The following KIF26A variants were observed in gnomAD, a reference collection of about 807,000 sequenced individuals.
KIF26A encodes kinesin-like protein KIF26A.
Under a neutral mutation model 126.0 loss-of-function variants are expected in KIF26A, and 74 were observed. The ratio of observed to expected loss-of-function variants is 0.59; its 90% confidence interval spans 0.49 to 0.71. KIF26A has a LOEUF of 0.71. Ranked by LOEUF, KIF26A falls within the 30% of genes least tolerant of loss-of-function variation. The pLI, the probability that KIF26A is intolerant of heterozygous loss-of-function variation, is 0.00. For synonymous variants in KIF26A, 1,445 were observed against 1,232.7 expected, an observed-to-expected ratio of 1.17 and a Z score of -3.61; for missense variants, 2,984 against 2,763.3, an observed-to-expected ratio of 1.08 and a Z score of -1.79.
At chr14:104,178,962 T>A (rs933629752) in intron 13 of KIF26A, among the ~76,000 whole-genome samples, 2 of 151,908 alleles carry the variant, frequency 1.3e-5, no homozygotes, top group Non-Finnish European at 2.9e-5. Context: ...ACACTCCCCT[T>A]GGGCAGTGGG....
rs1268065310 is a variant in KIF26A, at chr14:104,177,730, A to G, written c.4942A>G (p.Thr1648Ala). The G allele has an allele frequency of 5.2e-6, 8 of 1,540,640 alleles. No individual in the cohort carries two copies. The Admixed American group carries it at 5.8e-5, about 11-fold the overall frequency. ...AGAGCTGCCGCCCGCCATGGGCCGCACCGCCCTTTTCCACCACAGCGGTGG... is the reference window on the plus strand; with the variant it reads ...AGAGCTGCCGCCCGCCATGGGCCGCGCCGCCCTTTTCCACCACAGCGGTGG... ...SGELPPAMGR[T>A]ALFHHSGGSS... The change falls in exon 12 of 15, where the codon ACC becomes GCC. Residue 1648 changes from threonine to alanine, a missense_variant. By Grantham distance (58) the Thr-to-Ala change is moderately conservative. Coordinates refer to ENST00000423312, the MANE Select transcript of KIF26A (RefSeq NM_015656.2).
chr14:104,177,987 A>G (rs2038054236), intron 12 of KIF26A, 89 bp downstream of exon 12: 3 of 1,334,868 alleles, frequency 2.2e-6, no homozygotes, highest in East Asian at 5.5e-5. Flanking sequence ...GGGCCAGGAG[A>G]TGCTGGACAG....
chr14:104,163,058 C>T (rs1422007008), intron 4 of KIF26A, among the ~76,000 whole-genome samples: 2 of 152,216 alleles, frequency 1.3e-5, no homozygotes, highest in Non-Finnish European at 1.5e-5. Flanking sequence ...CCCTTGCAGG[C>T]AGCTGGCGGG....
Position 104,148,878 on chromosome 14 carries a change from G to T in KIF26A, c.289-3137G>T, listed in dbSNP as rs2037703010. On this transcript the variant is annotated intron_variant, in intron 2 of 14. Coordinates refer to ENST00000423312, the MANE Select transcript of KIF26A (RefSeq NM_015656.2). The surrounding 1 kb of genome is among the most constrained non-coding windows in gnomAD (Gnocchi z 4.3). ...CTGGAGCCCTGAGTGCTGGTCCCGT[G>T]TGCTGAGTGGGGTGCCGAGTTCTCC... Among the ~76,000 whole-genome samples, 1 of 152,176 alleles carries T rather than the reference G, an allele frequency of 6.6e-6. No individual in the cohort carries two copies. Among genetic ancestry groups the T allele is most frequent in the East Asian group, 1.9e-4 (1 of 5,194 alleles).
chr14:104,178,028 C>A, intron 12 of KIF26A, 130 bp downstream of exon 12: 1 of 1,081,052 alleles, frequency 9.3e-7, no homozygotes, highest in Non-Finnish European at 1.2e-6. Flanking sequence ...CCCAGACCCA[C>A]ACAGCCGTGG....
chr14:104,149,661 C>T (rs2037709217), intron 2 of KIF26A, among the ~76,000 whole-genome samples: 2 of 152,218 alleles, frequency 1.3e-5, no homozygotes, highest in Admixed American at 1.3e-4. Flanking sequence ...CCTGTTGCCC[C>T]TCTGCCTGGC....
intron 5 of KIF26A, 142 bp from the exon 6 acceptor site, chr14:104,171,581 C>T (rs115621321): frequency 4.4e-6 from 3 of 676,020 alleles, no homozygotes; most frequent in South Asian, 1.8e-5. Context: ...GGAGCAGGGG[C>T]GCGGTGTCCA....
At position 104,173,117 on chromosome 14, in the gene KIF26A, G is replaced by A. The variant is rs61743542; in HGVS notation, c.1561G>A (p.Val521Met). 30 of 1,607,746 alleles carry A rather than the reference G, an allele frequency of 1.9e-5. No individual in the cohort carries two copies. The highest frequency in any genetic ancestry group is 1.9e-4 in the Admixed American group (11 of 59,198). Reference protein sequence around the residue: ...GTRFSVRVSAVEVCGRDQSLR... With the variant: ...GTRFSVRVSAMEVCGRDQSLR... ...CCGCTTCTCCGTCCGGGTCTCAGCC[G>A]TGGAGGTGTGCGGGCGCGACCAGAG... is the stretch of plus-strand genomic sequence containing the variant. The change falls in exon 8 of 15, where the codon GTG becomes ATG. Residue 521 changes from valine (V) to methionine (M), a missense_variant. Coordinates refer to ENST00000423312, the MANE Select transcript of KIF26A (RefSeq NM_015656.2).
intron 3 of KIF26A, among the ~76,000 whole-genome samples, chr14:104,157,434 G>C (rs2037790233): frequency 6.6e-6 from 1 of 152,144 alleles, no homozygotes; most frequent in Non-Finnish European, 1.5e-5. Context: ...AGTTTGATGG[G>C]GGAGAGGCGG....
chr14:104,177,961 C>T (rs928902358), intron 12 of KIF26A, 63 bp downstream of exon 12: 5 of 1,393,354 alleles, frequency 3.6e-6, no homozygotes, highest in African/African-American at 1.5e-5. Context: ...ATGTGCACAG[C>T]CCTCTACAGT....
Position 104,157,881 on chromosome 14 carries a change from C to T in KIF26A, c.862C>T (p.Pro288Ser). 1 of 1,585,342 alleles carries T rather than the reference C, an allele frequency of 6.3e-7. No homozygotes were observed. ...AGTCTGCACGTCAGCCCTGGTCACC[C>T]CCACCCCGGGCTCGGTGGGGGGCTC... ...GGVCTSALVTPTPGSVGGSTG... is the reference protein window; with the variant it reads ...GGVCTSALVTSTPGSVGGSTG... Residue 288 changes from proline (P) to serine (S), a missense_variant, in exon 4 of 15, where the codon CCC becomes TCC. Physicochemically the swap from Pro to Ser is moderately conservative, Grantham distance 74. Transcript: ENST00000423312.
In KIF26A at chr14:104,171,951, C is replaced by T; in HGVS notation, c.1326+16C>T. Reference sequence around the variant, plus strand: ...CTCCGAGCAGGTACGGGCAGGCGGACTGGGCGTCCTCCCGGAGACCCGGAG... The same window carrying T: ...CTCCGAGCAGGTACGGGCAGGCGGATTGGGCGTCCTCCCGGAGACCCGGAG... On this transcript the variant is annotated intron_variant, in intron 6 of 14. Coordinates refer to ENST00000423312, the MANE Select transcript of KIF26A (RefSeq NM_015656.2). 6.5e-7 allele frequency: 1 copy of T among 1,546,552 alleles called. No homozygotes were observed. The highest frequency in any genetic ancestry group is 1.2e-5 in the South Asian group (1 of 83,864).
intron 5 of KIF26A, among the ~76,000 whole-genome samples, chr14:104,168,402 C>T (rs1167728144): frequency 2.0e-5 from 3 of 152,196 alleles, no homozygotes; most frequent in African/African-American, 4.8e-5. Context: ...CCTGAATTGA[C>T]GGTGGCTACT....
At position 104,178,712 on chromosome 14, in the gene KIF26A, G is replaced by A. The variant is rs773384928; in HGVS notation, c.5273G>A (p.Arg1758His). The A allele has an allele frequency of 2.4e-5, 38 of 1,558,144 alleles. No individual in the cohort carries two copies. Among genetic ancestry groups the A allele is most frequent in the African/African-American group, 8.2e-5 (6 of 73,466 alleles). The stretch of plus-strand genomic sequence containing the variant: ...GTGTACGAGATCGATGACGTGGAGC[G>A]CCTTCAGCGGCCCCGCCCCACCCCG... Reference protein sequence around the residue: ...IKVYEIDDVERLQRPRPTPRE... With the variant: ...IKVYEIDDVEHLQRPRPTPRE... Residue 1758 changes from arginine to histidine, a missense_variant, in exon 13 of 15, where the codon CGC (arginine) becomes CAC (histidine). Arg to His is a conservative substitution (Grantham distance 29, BLOSUM62 0). Transcript: ENST00000423312.
At chr14:104,172,060 C>G in intron 6 of KIF26A, 125 bp downstream of exon 6, 1 of 911,570 alleles carries the variant, frequency 1.1e-6, no homozygotes, top group Non-Finnish European at 1.6e-6. Context: ...GAGGGGCCCG[C>G]TGCCTGCGGC....
Position 104,179,370 on chromosome 14 carries a change from C to A in KIF26A, c.5451C>A (p.Gly1817=). ...AGGGCCGGCTGATGCTGGAGCCTGG[C>A]CGCTGGCTGGAGCAGTGTGAGTCCC... ...ETQGRLMLEP[G]RWLEQFEVDP... is the part of the protein sequence containing the mutation. Residue 1817 remains glycine, a synonymous_variant, in exon 14 of 15, where the codon GGC becomes GGA. Coordinates refer to ENST00000423312, the MANE Select transcript of KIF26A (RefSeq NM_015656.2). 1 of 1,529,260 alleles carries A rather than the reference C, an allele frequency of 6.5e-7. No individual in the cohort carries two copies. Among genetic ancestry groups the A allele is most frequent in the Non-Finnish European group, 8.8e-7 (1 of 1,141,748 alleles). The allele number at this position is 1,529,260 out of a possible 1,614,324, so 94.7% of individuals were successfully genotyped here.
At chr14:104,142,644 C>T (rs757239851) in intron 2 of KIF26A, among the ~76,000 whole-genome samples, 8 of 152,270 alleles carry the variant, frequency 5.3e-5, no homozygotes, top group Non-Finnish European at 8.8e-5. Flanking sequence ...TCCCATTCAG[C>T]AGGCAAAGCT....
intron 7 of KIF26A, 86 bp from the exon 8 acceptor site, chr14:104,172,890 GC>G (rs1199099290): frequency 4.9e-6 from 7 of 1,436,682 alleles, no homozygotes; most frequent in Non-Finnish European, 5.5e-6. Context: ...AGATCTCGGT[GC>G]CCCTGGTTGG....
At chr14:104,154,948 G>A (rs1324107629) in intron 3 of KIF26A, among the ~76,000 whole-genome samples, 2 of 152,160 alleles carry the variant, frequency 1.3e-5, no homozygotes, top group Non-Finnish European at 2.9e-5. Flanking sequence ...AGGGTGTCCC[G>A]TGGTCCTCAC....
Sources: allele counts gnomAD v4.1 joint callset (sites outside exome capture counted in the v4.1 genomes callset), GRCh38; gene constraint gnomAD v4.1.1; non-coding constraint Gnocchi (gnomAD v3.1); transcripts MANE v1.5; gene names NCBI Gene and HGNC (gene_info 2026-07-23, HGNC 2026-07-21).